The following CSMD1 variants were observed in gnomAD, a reference collection of about 807,000 sequenced individuals.
The protein encoded by CSMD1 is CUB and Sushi multiple domains 1.
A neutral mutation model predicts 417.5 loss-of-function variants in CSMD1; 213 were observed. The ratio of observed to expected loss-of-function variants is 0.51; its 90% CI spans 0.46 to 0.57. The LOEUF (loss-of-function observed/expected upper bound fraction) is 0.57. CSMD1 is among the 20% of genes least tolerant of loss of function. The pLI is 0.00. For synonymous variants in CSMD1, 2,862 were observed against 1,736.8 expected, an observed-to-expected ratio of 1.65 and a Z score of -16.11; for missense variants, 6,923 against 4,529.7, an observed-to-expected ratio of 1.53 and a Z score of -15.17.
In CSMD1 at chr8:2,974,509, G is replaced by A. The variant is rs563744616; in HGVS notation, c.8682C>T (p.Asn2894=). Residue 2894 remains asparagine (N), a synonymous_variant, in exon 56 of 70, where the codon AAC becomes AAT. Transcript: ENST00000635120. The part of the protein sequence containing the change: ...SCRGSESLIG[N]DTRVCQEDSH... ...TGTCTTCCTGGCACACTCTCGTGTCGTTGCCTATGAGGCTCTCGCTCCCTC... is the reference window on the plus strand; with the variant it reads ...TGTCTTCCTGGCACACTCTCGTGTCATTGCCTATGAGGCTCTCGCTCCCTC... 9.9e-5 allele frequency: 159 copies of A among 1,613,478 alleles called. No homozygotes were observed. In the East Asian group the frequency reaches 1.5e-3, roughly 15 times the overall value.
At chr8:3,535,590 G>C (rs909144649) in intron 10 of CSMD1, among the ~76,000 whole-genome samples, 1 of 152,098 alleles carries the variant, frequency 6.6e-6, no homozygotes, top group Non-Finnish European at 1.5e-5. Context: ...TACTTAATGA[G>C]AAATAACTTA....
At chr8:4,832,497 C>T (rs916074336) in intron 1 of CSMD1, among the ~76,000 whole-genome samples, 5 of 152,110 alleles carry the variant, frequency 3.3e-5, no homozygotes, top group Non-Finnish European at 7.4e-5. Context: ...AAGGGGACTT[C>T]TCTAGGCAGA....
chr8:4,548,940 A>G (rs1797747535), intron 2 of CSMD1, among the ~76,000 whole-genome samples: 1 of 152,030 alleles, frequency 6.6e-6, no homozygotes, highest in Admixed American at 6.6e-5. Flanking sequence ...TCCATATTTG[A>G]TCTATCTAAG....
intron 15 of CSMD1, among the ~76,000 whole-genome samples, chr8:3,402,592 C>A (rs1436942839): frequency 6.6e-6 from 1 of 152,126 alleles, no homozygotes; most frequent in African/African-American, 2.4e-5. Flanking sequence ...ATAACCTACG[C>A]TTTTAAATAA....
intron 3 of CSMD1, among the ~76,000 whole-genome samples, chr8:4,323,747 C>G (rs1436303755): frequency 7.9e-6 from 1 of 126,140 alleles, no homozygotes; most frequent in Non-Finnish European, 1.9e-5. Context: ...TCCGCTCACT[C>G]AAATATCCCC....
chr8:4,386,490 C>G (rs1350199504), intron 3 of CSMD1, among the ~76,000 whole-genome samples: 1 of 152,216 alleles, frequency 6.6e-6, no homozygotes, highest in Non-Finnish European at 1.5e-5. Flanking sequence ...CTCCCAGTCT[C>G]CAATAGAGAA....
At chr8:4,523,456 G>C (rs1203548472) in intron 2 of CSMD1, among the ~76,000 whole-genome samples, 1 of 152,082 alleles carries the variant, frequency 6.6e-6, no homozygotes, top group African/African-American at 2.4e-5. Context: ...TCATAATAAA[G>C]TAAATATTGA....
chr8:3,259,840 T>C (rs1185446056), intron 26 of CSMD1, among the ~76,000 whole-genome samples: 1 of 136,806 alleles, frequency 7.3e-6, no homozygotes, highest in Non-Finnish European at 1.6e-5. Context: ...TTTTACATTT[T>C]TTAAATGGTT....
At chr8:4,389,556 T>G (rs1269262044) in intron 3 of CSMD1, among the ~76,000 whole-genome samples, 4 of 152,172 alleles carry the variant, frequency 2.6e-5, no homozygotes, top group Non-Finnish European at 5.9e-5. Flanking sequence ...AATGTTAATT[T>G]ATCAAAAGAA....
chr8:3,148,895 T>C (rs1183563432), intron 40 of CSMD1, among the ~76,000 whole-genome samples: 2 of 152,204 alleles, frequency 1.3e-5, no homozygotes, highest in African/African-American at 2.4e-5. Flanking sequence ...ATGTAATCTA[T>C]AACAAATTAT....
chr8:4,362,704 G>C (rs969018696), intron 3 of CSMD1, among the ~76,000 whole-genome samples: 4 of 152,288 alleles, frequency 2.6e-5, no homozygotes, highest in Middle Eastern at 3.4e-3. Flanking sequence ...GATAAGATTT[G>C]TAAGAGAAAA....
At chr8:3,961,569 G>T (rs1354294463) in intron 5 of CSMD1, among the ~76,000 whole-genome samples, 3 of 152,086 alleles carry the variant, frequency 2.0e-5, no homozygotes, top group Admixed American at 6.6e-5. Context: ...TCCACTAAAG[G>T]TATCTATAAA....
At chr8:4,699,233 G>C (rs1043944833) in intron 1 of CSMD1, among the ~76,000 whole-genome samples, 8 of 152,124 alleles carry the variant, frequency 5.3e-5, no homozygotes, top group Non-Finnish European at 1.2e-4. Flanking sequence ...TTTGCTTAAA[G>C]GATAACTTTC....
chr8:3,668,076 G>A (rs1798795818), intron 7 of CSMD1, among the ~76,000 whole-genome samples: 1 of 152,152 alleles, frequency 6.6e-6, no homozygotes, highest in African/African-American at 2.4e-5. Flanking sequence ...TCAATCAGGT[G>A]CAGTCATTCT....
chr8:3,933,103 T>C lies in CSMD1; in HGVS notation c.818+64800A>G, dbSNP rs1281469966. Among the ~76,000 whole-genome samples the C allele has an allele frequency of 1.3e-5, 2 of 149,860 alleles. 1 individual carries two copies. Among genetic ancestry groups the C allele is most frequent in the Non-Finnish European group, 3.0e-5 (2 of 67,350 alleles). ...AAAAGAAACAACATTATTTTCCTCT[T>C]TATATATCTGGTTTATATATTTTGA... On this transcript the variant is annotated intron_variant, in intron 5 of 69. Coordinates refer to ENST00000635120, the MANE Select transcript of CSMD1 (RefSeq NM_033225.6).
At chr8:3,772,835 C>G (rs1287016822) in intron 5 of CSMD1, among the ~76,000 whole-genome samples, 6 of 151,908 alleles carry the variant, frequency 3.9e-5, no homozygotes, top group African/African-American at 1.5e-4. Flanking sequence ...TACAGCACCT[C>G]CCAACCCCCT....
At chr8:3,073,937 C>T (rs1309439931) in intron 49 of CSMD1, among the ~76,000 whole-genome samples, 3 of 152,080 alleles carry the variant, frequency 2.0e-5, no homozygotes, top group African/African-American at 7.2e-5. Context: ...TTTATTGCAA[C>T]ATAAATTATT....
At chr8:4,230,046 T>A (rs372086252) in intron 3 of CSMD1, among the ~76,000 whole-genome samples, 2 of 152,184 alleles carry the variant, frequency 1.3e-5, no homozygotes, top group African/African-American at 4.8e-5. Context: ...AAGAACATCT[T>A]ACGTGCGTGC....
Position 4,136,210 on chromosome 8 carries a change from T to G in CSMD1, c.416-104111A>C, listed in dbSNP as rs74581251. Among the ~76,000 whole-genome samples the G allele has an allele frequency of 8.0e-3, 1,215 of 152,256 alleles. 15 individuals carry two copies. Among genetic ancestry groups the G allele is most frequent in the African/African-American group, 0.028 (1,183 of 41,540 alleles). ...AGAACAGCTATGTGAACACAAAAAT[T>G]GATCACATATATAGAAATGAACTAT... On this transcript the variant is annotated intron_variant, in intron 3 of 69. Coordinates refer to ENST00000635120, the MANE Select transcript of CSMD1 (RefSeq NM_033225.6).
Sources: allele counts gnomAD v4.1 joint callset (sites outside exome capture counted in the v4.1 genomes callset), GRCh38; gene constraint gnomAD v4.1.1; transcripts MANE v1.5; gene names NCBI Gene and HGNC (gene_info 2026-07-23, HGNC 2026-07-21).